Variants in EIF3E observed in about 807,000 individuals in gnomAD.
EIF3E encodes the protein eukaryotic translation initiation factor 3 subunit E.
Under a neutral mutation model 59.3 loss-of-function variants are expected in EIF3E, and 25 were observed. That is an observed-to-expected ratio of 0.42 (90% CI 0.31 to 0.59). EIF3E has a LOEUF of 0.59. Among genes scored for constraint, EIF3E ranks in the 20% least tolerant of loss-of-function variants. The pLI, the probability that EIF3E is intolerant of heterozygous loss-of-function variation, is 0.15. For synonymous variants in EIF3E, 176 were observed against 170.2 expected, an observed-to-expected ratio of 1.03 and a Z score of -0.26; for missense variants, 317 against 534.3, an observed-to-expected ratio of 0.59 and a Z score of 4.01.
intron 1 of EIF3E, among the ~76,000 whole-genome samples, chr8:108,247,115 AGGTGG>A (rs1815963086): frequency 6.6e-6 from 1 of 152,160 alleles, no homozygotes; most frequent in African/African-American, 2.4e-5. Flanking sequence ...TTCTCCAAAG[AGGTGG>A]GTATTGGGCA....
chr8:108,242,377 G>C, intron 1 of EIF3E: 1 of 1,289,366 alleles, frequency 7.8e-7, no homozygotes. Context: ...AACCATGTCA[G>C]ATCAGGCTTT....
chr8:108,222,563 AAC>A (rs1815437484), intron 7 of EIF3E, among the ~76,000 whole-genome samples: 1 of 152,198 alleles, frequency 6.6e-6, no homozygotes. Flanking sequence ...TATATATTTT[AAC>A]AGTTAGCCTA....
At chr8:108,209,124 G>A (rs995343536) in intron 10 of EIF3E, among the ~76,000 whole-genome samples, 5 of 151,982 alleles carry the variant, frequency 3.3e-5, no homozygotes, top group Non-Finnish European at 7.4e-5. Context: ...ACAATTATGG[G>A]TTTTATAATA....
intron 3 of EIF3E, among the ~76,000 whole-genome samples, chr8:108,238,220 A>G (rs1445968545): frequency 2.0e-5 from 3 of 152,194 alleles, no homozygotes; most frequent in African/African-American, 2.4e-5. Context: ...GTAGTTTAGT[A>G]TAATATATAG....
intron 3 of EIF3E, among the ~76,000 whole-genome samples, chr8:108,237,212 A>AG (rs1815750264): frequency 6.6e-6 from 1 of 152,198 alleles, no homozygotes; most frequent in South Asian, 2.1e-4. Flanking sequence ...ATCAAGGGAC[A>AG]GGGGATATAT....
chr8:108,213,036 C>T (rs540943807), intron 10 of EIF3E, among the ~76,000 whole-genome samples: 1 of 152,138 alleles, frequency 6.6e-6, no homozygotes, highest in Admixed American at 6.5e-5. Context: ...AAAATCTACA[C>T]GGAGAAAAGT....
intron 10 of EIF3E, among the ~76,000 whole-genome samples, chr8:108,212,368 C>T (rs1815227984): frequency 6.6e-6 from 1 of 152,210 alleles, no homozygotes; most frequent in Non-Finnish European, 1.5e-5. Flanking sequence ...GTACTGAACA[C>T]ATAGAAACAC....
chr8:108,224,545 G>GCAAGAAGACTTAA (rs1381128606), intron 7 of EIF3E, among the ~76,000 whole-genome samples: 3 of 151,432 alleles, frequency 2.0e-5, no homozygotes, highest in African/African-American at 7.4e-5. Flanking sequence ...TCAAAATCAG[G>GCAAGAAGACTTAA]CAAGAAGACT....
At chr8:108,235,337 G>C (rs1189864158) in intron 4 of EIF3E, among the ~76,000 whole-genome samples, 10 of 152,164 alleles carry the variant, frequency 6.6e-5, no homozygotes, top group Non-Finnish European at 1.2e-4. Context: ...ATGGGGGCTG[G>C]GGTCGGGGAG....
At chr8:108,219,218 A>C (rs1388916125) in intron 7 of EIF3E, among the ~76,000 whole-genome samples, 1 of 152,240 alleles carries the variant, frequency 6.6e-6, no homozygotes, top group Non-Finnish European at 1.5e-5. Context: ...TCCTGAGTTT[A>C]TACCATTGCT....
At chr8:108,218,765 A>AT (rs1265065464) in intron 7 of EIF3E, among the ~76,000 whole-genome samples, 3 of 135,534 alleles carry the variant, frequency 2.2e-5, no homozygotes, top group African/African-American at 5.4e-5. Context: ...AGGTGATTTT[A>AT]TTTTTTTATT....
At chr8:108,237,259 T>C (rs1416974973) in intron 3 of EIF3E, among the ~76,000 whole-genome samples, 1 of 152,200 alleles carries the variant, frequency 6.6e-6, no homozygotes, top group African/African-American at 2.4e-5. Flanking sequence ...TTTTTGTTGT[T>C]ACTGTTTTTT....
chr8:108,202,585 A>G (rs1815015034), intron 12 of EIF3E, among the ~76,000 whole-genome samples: 1 of 152,100 alleles, frequency 6.6e-6, no homozygotes, highest in East Asian at 1.9e-4. Flanking sequence ...TACATATAAT[A>G]AGATCAACAT....
At chr8:108,223,699 C>T (rs1477445736) in intron 7 of EIF3E, among the ~76,000 whole-genome samples, 2 of 152,150 alleles carry the variant, frequency 1.3e-5, no homozygotes, top group Non-Finnish European at 2.9e-5. Context: ...CGATAGCCTA[C>T]GAACACTGCT....
Position 108,217,350 on chromosome 8 carries a change from A to C in EIF3E, c.833T>G (p.Val278Gly). The stretch of plus-strand genomic sequence containing the variant: ...TAGTTTTACCTGTTGAATAACTTTA[A>C]CTAGATCTTTTAGAACCTGCCGACG... The part of the protein sequence containing the change: ...RKRRQVLKDL[V>G]KVIQQESYTY... The change falls in exon 8 of 13, where the codon GTT becomes GGT. Residue 278 changes from valine (V) to glycine (G), a missense_variant. By Grantham distance (109) the Val-to-Gly change is moderately radical (BLOSUM62 -3). Coordinates refer to ENST00000220849, the MANE Select transcript of EIF3E (RefSeq NM_001568.3). 6.4e-7 allele frequency: 1 copy of C among 1,558,556 alleles called. No homozygotes were observed.
intron 10 of EIF3E, among the ~76,000 whole-genome samples, chr8:108,204,448 A>G (rs542492394): frequency 1.6e-4 from 24 of 152,172 alleles, no homozygotes; most frequent in Admixed American, 4.6e-4. Flanking sequence ...GTAATGCAGG[A>G]GTGGAAAACC....
intron 7 of EIF3E, among the ~76,000 whole-genome samples, chr8:108,226,686 A>G (rs2129890831): frequency 6.6e-6 from 1 of 152,316 alleles, no homozygotes; most frequent in Non-Finnish European, 1.5e-5. Flanking sequence ...GGATGTTCAA[A>G]TAAGGGATTT....
intron 12 of EIF3E, among the ~76,000 whole-genome samples, chr8:108,202,370 T>A (rs556777860): frequency 1.3e-5 from 2 of 152,014 alleles, no homozygotes; most frequent in South Asian, 2.1e-4. Context: ...TCTCTGCATA[T>A]CCCACAACTG....
At chr8:108,224,249 A>T (rs1399230122) in intron 7 of EIF3E, among the ~76,000 whole-genome samples, 2 of 151,518 alleles carry the variant, frequency 1.3e-5, no homozygotes, top group Non-Finnish European at 1.5e-5. Context: ...AATAATTTTT[A>T]AAAATATGCA....
Sources: gnomAD v4.1 joint callset for allele counts (sites outside exome capture counted in the v4.1 genomes callset) on GRCh38, gnomAD v4.1.1 for gene constraint, MANE v1.5 for transcripts, NCBI Gene and HGNC (gene_info 2026-07-23, HGNC 2026-07-21) for gene names.